ST7: variants seen among roughly 807,000 people sequenced by gnomAD.
The protein encoded by ST7 is suppression of tumorigenicity 7.
ST7 carries 28 observed loss-of-function variants against 78.7 expected under a neutral mutation model. That is an observed-to-expected ratio of 0.36 (90% CI 0.26 to 0.49). The LOEUF (loss-of-function observed/expected upper bound fraction) is 0.49. ST7 is among the 20% of genes least tolerant of loss of function. The pLI is 0.99. For synonymous variants in ST7, 247 were observed against 249.6 expected (o/e 0.99, Z 0.10); for missense variants, 418 against 696.0 (o/e 0.60, Z 4.49).
chr7:117,172,112 G>A (rs1210534159), intron 10 of ST7, among the ~76,000 whole-genome samples: 1 of 151,880 alleles, frequency 6.6e-6, no homozygotes, highest in African/African-American at 2.4e-5. Context: ...CATCATGCTT[G>A]GCTAATTTTT....
intron 9 of ST7, among the ~76,000 whole-genome samples, chr7:117,167,378 G>T (rs1807649663): frequency 6.7e-6 from 1 of 148,738 alleles, no homozygotes; most frequent in Non-Finnish European, 1.5e-5. Context: ...GGGTTGCAGG[G>T]CCTCTAAAGT....
intron 2 of ST7, among the ~76,000 whole-genome samples, chr7:117,104,862 T>A (rs1801833675): frequency 6.6e-6 from 1 of 152,120 alleles, no homozygotes; most frequent in South Asian, 2.1e-4. Flanking sequence ...ATAAGAAATG[T>A]ATTATTAACG....
intron 2 of ST7, among the ~76,000 whole-genome samples, chr7:117,110,811 C>T (rs1178061854): frequency 6.6e-6 from 1 of 152,222 alleles, no homozygotes; most frequent in Non-Finnish European, 1.5e-5. Flanking sequence ...AGGGATTTCC[C>T]TAGAGCCTGG....
At chr7:117,156,462 C>T (rs1382657260) in intron 9 of ST7, among the ~76,000 whole-genome samples, 1 of 152,078 alleles carries the variant, frequency 6.6e-6, no homozygotes, top group Non-Finnish European at 1.5e-5. Context: ...TTTCAGATAC[C>T]TATTATAGCT....
At chr7:116,998,201 C>T (rs1296193487) in intron 1 of ST7, among the ~76,000 whole-genome samples, 1 of 152,216 alleles carries the variant, frequency 6.6e-6, no homozygotes, top group African/African-American at 2.4e-5. Flanking sequence ...GCCGGCACTG[C>T]TGGGGGACCC....
chr7:117,009,238 ACTT>A (rs1795276585), intron 1 of ST7, among the ~76,000 whole-genome samples: 1 of 144,552 alleles, frequency 6.9e-6, no homozygotes, highest in East Asian at 2.0e-4. Context: ...TCCTTAAAGA[ACTT>A]CTCCACTTTT....
chr7:117,080,054 C>T lies in ST7; in HGVS notation c.152-19708C>T, dbSNP rs1052267333. ...GGAGTGCAGTGGCGGGATCTCGGCT[C>T]ACCGCAAGCTCCGCCTCCCGGGTTC... is the stretch of plus-strand genomic sequence containing the variant. On this transcript the variant is annotated intron_variant, in intron 1 of 15. Transcript: ENST00000323984. 3.6e-4 allele frequency among the ~76,000 whole-genome samples: 49 copies of T among 136,716 alleles called. No individual in the cohort carries two copies. In the East Asian group the frequency reaches 0.011, roughly 30 times the overall value. 89.7% of individuals were successfully genotyped at this position (136,716 alleles called of 152,430 possible). A position where few individuals can be genotyped will look rare whatever the true frequency, so the allele number is the denominator to read the frequency against.
intron 8 of ST7, chr7:117,136,774 T>C (rs1804825392): frequency 6.5e-6 from 1 of 153,218 alleles, no homozygotes; most frequent in African/African-American, 2.4e-5. Flanking sequence ...TTTTTTATAT[T>C]AAAATAATGC....
intron 1 of ST7, among the ~76,000 whole-genome samples, chr7:117,078,102 A>G (rs777682736): frequency 6.6e-6 from 1 of 152,192 alleles, no homozygotes; most frequent in Non-Finnish European, 1.5e-5. Flanking sequence ...ACATTAAGCT[A>G]TTAGCCCAAG....
intron 1 of ST7, among the ~76,000 whole-genome samples, chr7:117,038,922 T>C (rs1204698135): frequency 1.3e-5 from 2 of 152,234 alleles, no homozygotes; most frequent in Non-Finnish European, 2.9e-5. Flanking sequence ...GAGTGATTTG[T>C]GTAAAAGGAT....
intron 1 of ST7, among the ~76,000 whole-genome samples, chr7:117,088,156 C>T (rs1193225168): frequency 1.3e-5 from 2 of 152,112 alleles, no homozygotes; most frequent in African/African-American, 2.4e-5. Flanking sequence ...TCCTTCTTTC[C>T]AAGCCCAGAA....
intron 1 of ST7, among the ~76,000 whole-genome samples, chr7:117,008,620 G>A (rs537577803): frequency 6.6e-6 from 1 of 152,296 alleles, no homozygotes; most frequent in Non-Finnish European, 1.5e-5. Context: ...ATGTGATAGG[G>A]AATGAGGTAT....
At chr7:117,128,122 C>T (rs1297367577) in intron 3 of ST7, among the ~76,000 whole-genome samples, 1 of 151,838 alleles carries the variant, frequency 6.6e-6, no homozygotes, top group Admixed American at 6.6e-5. Context: ...GGATCCTTAT[C>T]CATAAATCTA....
Position 117,135,997 on chromosome 7 carries a change from C to A in ST7, c.711-84C>A, listed in dbSNP as rs891797281. On this transcript the variant is annotated intron_variant, in intron 7 of 15. Transcript: ENST00000323984. The stretch of plus-strand genomic sequence containing the variant: ...CCACTCTGCATGTTTTGGCGTAACT[C>A]CTTGCCTTTCTGCATGAGCTCCTAC... The A allele has an allele frequency of 2.0e-6, 3 of 1,494,782 alleles. No individual in the cohort carries two copies. The African/African-American group carries it at 4.2e-5, about 21-fold the overall frequency. 92.6% of individuals were successfully genotyped at this position (1,494,782 alleles called of 1,614,324 possible).
chr7:117,121,582 C>A (rs187810864), intron 3 of ST7, among the ~76,000 whole-genome samples: 2 of 152,156 alleles, frequency 1.3e-5, no homozygotes, highest in African/African-American at 4.8e-5. Flanking sequence ...TTTTAAATTT[C>A]TTCTTTATCC....
chr7:116,990,422 G>C (rs10275344), intron 1 of ST7, among the ~76,000 whole-genome samples: 149,716 of 152,264 alleles, frequency 0.98, 73,664 homozygotes, highest in East Asian at 1. Context: ...CCTCTAAGGG[G>C]TTAGTGTTGT....
chr7:117,153,921 C>T (rs1806483206), intron 9 of ST7, among the ~76,000 whole-genome samples: 1 of 152,010 alleles, frequency 6.6e-6, no homozygotes, highest in South Asian at 2.1e-4. Flanking sequence ...GAGCATGTGC[C>T]AGTGTGGATG....
intron 9 of ST7, chr7:117,144,317 T>G (rs1265063274): frequency 1.3e-5 from 2 of 152,084 alleles, no homozygotes; most frequent in East Asian, 1.9e-4. Context: ...AAAATAGTTT[T>G]GATCTAAGGA....
intron 12 of ST7, among the ~76,000 whole-genome samples, chr7:117,206,666 G>T (rs968155702): frequency 6.6e-6 from 1 of 152,108 alleles, no homozygotes; most frequent in African/African-American, 2.4e-5. Context: ...TAGATGCTCT[G>T]GTGGCCAACA....
Sources: gnomAD v4.1 joint callset for allele counts (sites outside exome capture counted in the v4.1 genomes callset) on GRCh38, gnomAD v4.1.1 for gene constraint, MANE v1.5 for transcripts, NCBI Gene and HGNC (gene_info 2026-07-23, HGNC 2026-07-21) for gene names.